Variants in ANP32B observed in about 807,000 individuals in gnomAD.
ANP32B encodes acidic nuclear phosphoprotein 32 family member B.
A neutral mutation model predicts 32.2 loss-of-function variants in ANP32B; 6 were observed. The ratio of observed to expected loss-of-function variants is 0.19; its 90% CI spans 0.10 to 0.37. The LOEUF (loss-of-function observed/expected upper bound fraction) is 0.37, where lower values mean the gene tolerates loss of function less well. ANP32B is among the 10% of genes least tolerant of loss of function. The probability of loss-of-function intolerance (pLI) is 1.00; values close to 1 mark genes in which losing one functional copy is unlikely to be tolerated. For synonymous variants in ANP32B, 98 were observed against 105.8 expected (o/e 0.93, Z 0.45); for missense variants, 204 against 289.2 (o/e 0.71, Z 2.14).
chr9:97,997,130 A>T (rs1308060182), intron 2 of ANP32B, among the ~76,000 whole-genome samples: 1 of 152,222 alleles, frequency 6.6e-6, no homozygotes, highest in Admixed American at 6.5e-5. Flanking sequence ...CAGGGTCTAA[A>T]ACATGGGTTA....
At chr9:97,998,280 C>T (rs1171159127) in intron 2 of ANP32B, among the ~76,000 whole-genome samples, 2 of 152,224 alleles carry the variant, frequency 1.3e-5, no homozygotes, top group Non-Finnish European at 2.9e-5. Flanking sequence ...TTTTGACCCA[C>T]TTTTTAAGTT....
intron 6 of ANP32B, among the ~76,000 whole-genome samples, chr9:98,014,735 T>G (rs1828245783): frequency 6.6e-6 from 1 of 152,228 alleles, no homozygotes; most frequent in South Asian, 2.1e-4. Flanking sequence ...CTTGAAGACG[T>G]GCTAGATAGC....
chr9:98,009,009 C>T (rs1460508910), intron 4 of ANP32B, among the ~76,000 whole-genome samples: 3 of 152,152 alleles, frequency 2.0e-5, no homozygotes, highest in Admixed American at 1.3e-4. Context: ...TCTCCTGATT[C>T]ACAGGGCCTG....
intron 1 of ANP32B, among the ~76,000 whole-genome samples, chr9:97,991,150 CTG>C (rs1433522708): frequency 5.3e-5 from 8 of 151,230 alleles, no homozygotes; most frequent in Non-Finnish European, 1.0e-4. Context: ...AACTGGGTCT[CTG>C]TGGCCCAAGC....
intron 1 of ANP32B, among the ~76,000 whole-genome samples, chr9:97,989,814 A>G (rs1364029678): frequency 1.6e-4 from 25 of 152,196 alleles, no homozygotes; most frequent in Non-Finnish European, 3.7e-4. Flanking sequence ...GTGGAGATCC[A>G]CTGAGAACCC....
rs1024535767 is a variant in ANP32B at position 97,983,363 on chromosome 9, C to T, written c.-193C>T. ...CCCCTTTTCCCTCCATGGTTTCTCT[C>T]CGCTCCCGTGAGTAACTTGGCTCCG... is the stretch of plus-strand genomic sequence containing the variant. On this transcript the variant is annotated 5_prime_UTR_variant, in exon 1 of 7. Coordinates refer to ENST00000339399, the MANE Select transcript of ANP32B (RefSeq NM_006401.3). 3.6e-6 allele frequency: 2 copies of T among 550,122 alleles called. No homozygotes were observed. The highest frequency in any genetic ancestry group is 2.3e-5 in the South Asian group (1 of 44,140). 34.1% of individuals were successfully genotyped at this position (550,122 alleles called of 1,614,324 possible).
chr9:97,990,676 A>G (rs1033752959), intron 1 of ANP32B, among the ~76,000 whole-genome samples: 1 of 152,174 alleles, frequency 6.6e-6, no homozygotes, highest in African/African-American at 2.4e-5. Flanking sequence ...CATTTCCTGA[A>G]CTTCTCATTC....
chr9:98,005,110 A>C lies in ANP32B; in HGVS notation c.474A>C (p.Ser158=), dbSNP rs755591186. The change falls in exon 4 of 7, where the codon TCA becomes TCC. Residue 158 remains serine (S), a synonymous_variant. Transcript: ENST00000339399. ...YDREDQEAPD[S]DAEVDGVDEE... is the part of the protein sequence containing the mutation. ...GAGAGGACCAGGAAGCACCTGACTC[A>C]GATGCCGAGGTGGATGGTGTGGATG... The C allele has an allele frequency of 3.7e-6, 6 of 1,613,878 alleles. No homozygotes were observed. Among genetic ancestry groups the C allele is most frequent in the Non-Finnish European group, 5.1e-6 (6 of 1,179,976 alleles).
intron 1 of ANP32B, 147 bp downstream of exon 1, chr9:97,983,756 G>A (rs920671528): frequency 3.4e-5 from 19 of 551,444 alleles, no homozygotes; most frequent in Non-Finnish European, 4.8e-5. Flanking sequence ...GGGCGGGCGC[G>A]GAGGGGGGAG....
At position 98,015,831 on chromosome 9, in the gene ANP32B, T is replaced by G. The variant is rs1828271834; in HGVS notation, c.*400T>G. 1 of 975,038 alleles carries G rather than the reference T, an allele frequency of 1.0e-6. No homozygotes were observed. Among genetic ancestry groups the G allele is most frequent in the Non-Finnish European group, 1.2e-6 (1 of 820,670 alleles). The allele number at this position is 975,038 out of a possible 1,614,324, so 60.4% of individuals were successfully genotyped here. On this transcript the variant is annotated 3_prime_UTR_variant, in exon 7 of 7. Coordinates refer to ENST00000339399, the MANE Select transcript of ANP32B (RefSeq NM_006401.3). The stretch of plus-strand genomic sequence containing the variant: ...ACATTTTGGGTCTGTTTTTTCATGC[T>G]TTGCTTTTTAATTATTATTATTATT...
intron 2 of ANP32B, among the ~76,000 whole-genome samples, chr9:97,997,910 A>G (rs1371887230): frequency 6.6e-6 from 1 of 152,214 alleles, no homozygotes; most frequent in Non-Finnish European, 1.5e-5. Flanking sequence ...CAGCTTAGAA[A>G]TTAGAGTAGG....
rs10984772 is a variant in ANP32B at position 98,012,217 on chromosome 9, A to T, written c.637-204A>T. Among the ~76,000 whole-genome samples the T allele has an allele frequency of 2.8e-3, 425 of 152,210 alleles. 7 individuals carry two copies. The East Asian group carries it at 0.05, about 18-fold the overall frequency. ...AATGAACTGCTTGCTTCTAAAAAAA[A>T]TTTTTCTTAGAAAAATTATAAAGCT... On this transcript the variant is annotated intron_variant, in intron 5 of 6. Coordinates refer to ENST00000339399, the MANE Select transcript of ANP32B (RefSeq NM_006401.3).
chr9:98,011,904 G>A (rs1373572433), intron 5 of ANP32B, among the ~76,000 whole-genome samples: 4 of 152,190 alleles, frequency 2.6e-5, no homozygotes, highest in African/African-American at 9.7e-5. Flanking sequence ...GGAAATAAAT[G>A]CTATACGAGG....
At chr9:97,986,939 A>T (rs887765130) in intron 1 of ANP32B, 1 of 152,214 alleles carries the variant, frequency 6.6e-6, no homozygotes, top group Non-Finnish European at 1.5e-5. Context: ...TTAAGACCAG[A>T]TGGGCTTTTA....
intron 4 of ANP32B, 171 bp downstream of exon 4, chr9:98,005,324 A>T (rs1015056091): frequency 3.2e-5 from 16 of 497,872 alleles, no homozygotes; most frequent in African/African-American, 3.2e-4. Flanking sequence ...CCTGGGCAAC[A>T]TGGCAATACC....
Position 98,015,585 on chromosome 9 carries a change from C to G in ANP32B, c.*154C>G. The stretch of plus-strand genomic sequence containing the variant: ...GCCAAAGAATAGTTCCTGTGACATT[C>G]CGCCTTCCTTCCATGTAGTCCCTCT... On this transcript the variant is annotated 3_prime_UTR_variant, in exon 7 of 7. Coordinates refer to ENST00000339399, the MANE Select transcript of ANP32B (RefSeq NM_006401.3). The G allele has an allele frequency of 7.3e-7, 1 of 1,363,884 alleles. No homozygotes were observed. Among genetic ancestry groups the G allele is most frequent in the Non-Finnish European group, 9.5e-7 (1 of 1,051,974 alleles). The allele number at this position is 1,363,884 out of a possible 1,614,324, so 84.5% of individuals were successfully genotyped here. A position where few individuals can be genotyped will look rare whatever the true frequency, so the allele number is the denominator to read the frequency against.
At chr9:97,996,636 C>T (rs1704669236) in intron 2 of ANP32B, among the ~76,000 whole-genome samples, 1 of 151,994 alleles carries the variant, frequency 6.6e-6, no homozygotes, top group Non-Finnish European at 1.5e-5. Context: ...TCTTGTTGCC[C>T]AGGTTGGAGT....
intron 3 of ANP32B, among the ~76,000 whole-genome samples, chr9:98,004,493 CCTAA>C (rs1372630487): frequency 1.3e-5 from 2 of 152,034 alleles, no homozygotes; most frequent in East Asian, 1.9e-4. Context: ...ATGTCTGTGC[CCTAA>C]CTAAAATTGT....
chr9:97,986,214 C>T (rs1827731358), intron 1 of ANP32B, among the ~76,000 whole-genome samples: 1 of 152,258 alleles, frequency 6.6e-6, no homozygotes. Context: ...CTCTGTAATA[C>T]TATCCACATT....
Sources: gnomAD v4.1 joint callset for allele counts (sites outside exome capture counted in the v4.1 genomes callset) on GRCh38, gnomAD v4.1.1 for gene constraint, MANE v1.5 for transcripts, NCBI Gene and HGNC (gene_info 2026-07-23, HGNC 2026-07-21) for gene names.